The following PKN3 variants were observed in gnomAD, a reference collection of about 807,000 sequenced individuals.
PKN3 encodes protein kinase N3.
A neutral mutation model predicts 113.1 loss-of-function variants in PKN3; 91 were observed. That is an observed-to-expected ratio of 0.80 (90% CI 0.68 to 0.96). PKN3 has a LOEUF of 0.96. PKN3 is among the 40% of genes least tolerant of loss of function. The pLI is 0.00. For missense variants in PKN3, 1,052 were observed against 1,202.2 expected (o/e 0.88, Z 1.85); for synonymous variants, 467 against 499.0 (o/e 0.94, Z 0.85).
At chr9:128,711,307 C>CTT (rs769509901) in intron 6 of PKN3, among the ~76,000 whole-genome samples, 2 of 131,332 alleles carry the variant, frequency 1.5e-5, no homozygotes, top group Admixed American at 7.6e-5. Context: ...CGCCCCACCT[C>CTT]TTTTTTTTTT....
rs756851976 is a variant in PKN3, at chr9:128,713,014, T to A, written c.836-38T>A. 6.4e-6 allele frequency: 10 copies of A among 1,557,056 alleles called. No homozygotes were observed. The East Asian group carries it at 2.3e-4, about 35-fold the overall frequency. On this transcript the variant is annotated intron_variant, in intron 6 of 21. Transcript: ENST00000291906. Reference sequence around the variant, plus strand: ...CACCTTGGTGGTAGCAGTGGGAAGATGGCATCTGACAACGCCCCCCGCTCA... The same window carrying A: ...CACCTTGGTGGTAGCAGTGGGAAGAAGGCATCTGACAACGCCCCCCGCTCA...
chr9:128,714,519 G>A (rs781287176), intron 11 of PKN3, 43 bp from the exon 12 acceptor site: 5 of 955,716 alleles, frequency 5.2e-6, no homozygotes, highest in Non-Finnish European at 8.6e-6. Context: ...GCCAGCTCTT[G>A]CGTCTGCCTG....
Position 128,705,492 on chromosome 9 carries a change from C to T in PKN3, c.214C>T (p.Arg72Trp), listed in dbSNP as rs745322952. The change falls in exon 2 of 22, where the codon CGG becomes TGG. Residue 72 changes from arginine (R) to tryptophan (W), a missense_variant. Transcript: ENST00000291906. The stretch of plus-strand genomic sequence containing the variant: ...CCTGGAGCAGCTGCATGGCGAGCTG[C>T]GGGAGCTGCACGCCCGAATCCTGCT... ...RRLEQLHGEL[R>W]ELHARILLPG... The T allele has an allele frequency of 3.0e-5, 47 of 1,560,894 alleles. No individual in the cohort carries two copies. In the African/African-American group the frequency reaches 3.5e-4, roughly 12 times the overall value.
rs1386425760 is a variant in PKN3 at position 128,720,308 on chromosome 9, C to T, written c.2457+25C>T. On this transcript the variant is annotated intron_variant, in intron 21 of 21. Transcript: ENST00000291906. This position sits in a 1 kb window ranked among gnomAD's most constrained non-coding sequence, Gnocchi z 5.5. The stretch of plus-strand genomic sequence containing the variant: ...GGTGAGCGGCTGGGGTGGCGGTGGT[C>T]CCCTGTGCCTGGCAGGGTAGGTGGC... The T allele has an allele frequency of 2.5e-6, 4 of 1,612,180 alleles. No homozygotes were observed. The highest frequency in any genetic ancestry group is 3.3e-5 in the Admixed American group (2 of 59,996).
At chr9:128,717,022 G>A (rs2132326575) in intron 16 of PKN3, 99 bp downstream of exon 16, 3 of 951,584 alleles carry the variant, frequency 3.2e-6, no homozygotes, top group Non-Finnish European at 4.9e-6. Context: ...CCAACAGCAG[G>A]GGAGCAGGAG....
At chr9:128,706,851 G>A (rs372263492) in intron 4 of PKN3, 27 bp downstream of exon 4, 7 of 1,612,642 alleles carry the variant, frequency 4.3e-6, no homozygotes, top group Admixed American at 1.7e-5. Flanking sequence ...CAGGGAGGGC[G>A]GAGCAGGGAA....
chr9:128,707,377 G>T lies in PKN3; in HGVS notation c.807G>T (p.Gly269=). Residue 269 remains glycine (G), a synonymous_variant, in exon 6 of 22, where the codon GGG becomes GGT. Transcript: ENST00000291906. The stretch of plus-strand genomic sequence containing the variant: ...TGCCTGGATACCCCCAGCCTTCAGG[G>T]ACACCTGTGAAGCCCACCGCCCTAA... ...AAVPGYPQPS[G]TPVKPTALTG... The T allele has an allele frequency of 1.2e-6, 2 of 1,612,008 alleles. No individual in the cohort carries two copies. Among genetic ancestry groups the T allele is most frequent in the Non-Finnish European group, 1.7e-6 (2 of 1,179,124 alleles).
Position 128,706,822 on chromosome 9 carries a change from C to A in PKN3, c.521C>A (p.Pro174Gln). 2 of 1,610,804 alleles carry A rather than the reference C, an allele frequency of 1.2e-6. No homozygotes were observed. The highest frequency in any genetic ancestry group is 1.1e-5 in the South Asian group (1 of 90,986). ...CTGGAGGCCAGTGGGTCCCCGGAGC[C>A]AGGTGAGGCCTTGAGACACAGGGAG... ...SSLEASGSPE[P>Q]GPELLAEELQ... is the part of the protein sequence containing the mutation. The change falls in exon 4 of 22, where the codon CCA becomes CAA. Residue 174 changes from proline (P) to glutamine (Q), a missense_variant and splice_region_variant. This residue lies in a region of PKN3 where 719 missense variants were observed against 759.4 expected (regional missense o/e 0.95). Coordinates refer to ENST00000291906, the MANE Select transcript of PKN3 (RefSeq NM_013355.5).
In PKN3 at chr9:128,720,568, G is replaced by A. The variant is rs1862510143; in HGVS notation, c.2632G>A (p.Asp878Asn). 2 of 1,613,348 alleles carry A rather than the reference G, an allele frequency of 1.2e-6. No individual in the cohort carries two copies. The highest frequency in any genetic ancestry group is 1.3e-5 in the African/African-American group (1 of 74,952). ...LTARQQAAFRDFDFVSERFLE... is the reference protein window; with the variant it reads ...LTARQQAAFRNFDFVSERFLE... The stretch of plus-strand genomic sequence containing the variant: ...TGCCCGCCAACAGGCCGCCTTCCGG[G>A]ACTTCGACTTTGTGTCAGAGCGATT... The change falls in exon 22 of 22, where the codon GAC becomes AAC. Residue 878 changes from aspartate (D) to asparagine (N), a missense_variant. Transcript: ENST00000291906. This position sits in a 1 kb window ranked among gnomAD's most constrained non-coding sequence, Gnocchi z 5.5.
Position 128,718,634 on chromosome 9 carries a change from C to A in PKN3, c.2125+9C>A. On this transcript the variant is annotated intron_variant, in intron 18 of 21. Coordinates refer to ENST00000291906, the MANE Select transcript of PKN3 (RefSeq NM_013355.5). The stretch of plus-strand genomic sequence containing the variant: ...TGGACTCTGCAAGGAAGGTGGGGGC[C>A]GCCCATTGGGATCCATATCTCCAGC... 1 of 1,613,294 alleles carries A rather than the reference C, an allele frequency of 6.2e-7. No individual in the cohort carries two copies. The highest frequency in any genetic ancestry group is 1.1e-5 in the South Asian group (1 of 91,068).
chr9:128,703,893 G>A, intron 1 of PKN3: 3 of 985,474 alleles, frequency 3.0e-6, no homozygotes, highest in South Asian at 4.7e-5. Context: ...GCCCTGCAGC[G>A]GCAGCTGGGT....
Position 128,716,807 on chromosome 9 carries a change from C to T in PKN3, c.1869C>T (p.Leu623=), listed in dbSNP as rs777858977. The T allele has an allele frequency of 3.7e-6, 6 of 1,614,140 alleles. No homozygotes were observed. The highest frequency in any genetic ancestry group is 5.1e-6 in the Non-Finnish European group (6 of 1,180,004). The change falls in exon 16 of 22, where the codon CTC becomes CTT. Residue 623 remains leucine, a synonymous_variant. Coordinates refer to ENST00000291906, the MANE Select transcript of PKN3 (RefSeq NM_013355.5). ...GCTGCACAGGGCACCCTTTCCTGCT[C>T]TCCCTCCTTGCCTGCTTCCAGACCT... The part of the protein sequence containing the change: ...AVGCTGHPFL[L]SLLACFQTSS...
At chr9:128,717,005 C>T (rs1589491346) in intron 16 of PKN3, 82 bp downstream of exon 16, 1 of 1,194,794 alleles carries the variant, frequency 8.4e-7, no homozygotes, top group African/African-American at 1.5e-5. Context: ...CTGCTTTCTC[C>T]AAGTGCCCAA....
chr9:128,709,258 C>A (rs1862109671), intron 6 of PKN3, among the ~76,000 whole-genome samples: 1 of 150,826 alleles, frequency 6.6e-6, no homozygotes, highest in Non-Finnish European at 1.5e-5. Context: ...TGCACTCCAG[C>A]CTGGGCCACA....
chr9:128,718,656 C>T (rs1862418060), intron 18 of PKN3, 31 bp downstream of exon 18: 2 of 1,605,160 alleles, frequency 1.2e-6, no homozygotes, highest in African/African-American at 1.3e-5. Flanking sequence ...TCCATATCTC[C>T]AGCCTTGTTT....
rs115703206 is a variant in PKN3 at position 128,720,758 on chromosome 9, C to T, written c.*152C>T. ...GCAGCCATGGGGCCACTGTTGTGGG[C>T]TTTGCTCAGTGTCACTGGGCAAAGT... On this transcript the variant is annotated 3_prime_UTR_variant, in exon 22 of 22. Coordinates refer to ENST00000291906, the MANE Select transcript of PKN3 (RefSeq NM_013355.5). This position sits in a 1 kb window ranked among gnomAD's most constrained non-coding sequence, Gnocchi z 5.5. 1.6e-5 allele frequency: 11 copies of T among 688,424 alleles called. No individual in the cohort carries two copies. Among genetic ancestry groups the T allele is most frequent in the Non-Finnish European group, 2.4e-5 (10 of 410,118 alleles). 42.6% of individuals were successfully genotyped at this position (688,424 alleles called of 1,614,324 possible). A position where few individuals can be genotyped will look rare whatever the true frequency, so the allele number is the denominator to read the frequency against.
chr9:128,709,162 G>A (rs561781276), intron 6 of PKN3, among the ~76,000 whole-genome samples: 172 of 152,006 alleles, frequency 1.1e-3, no homozygotes, highest in Non-Finnish European at 1.9e-3. Flanking sequence ...GCGGGCGCCT[G>A]TAGTCCCAGC....
chr9:128,705,846 C>G lies in PKN3; in HGVS notation c.378C>G (p.Asn126Lys). ...TGAAGGTGAAGCAGGGGGCTGAGAA[C>G]ATGACCCACACGTGCGCCAGTGGCA... is the stretch of plus-strand genomic sequence containing the variant. ...VELKVKQGAE[N>K]MTHTCASGTP... The change falls in exon 3 of 22, where the codon AAC becomes AAG. Residue 126 changes from asparagine to lysine, a missense_variant. Physicochemically the swap from Asn to Lys is moderately conservative, Grantham distance 94. Around this residue, in one of 2 missense-constraint regions of PKN3, gnomAD observed 719 missense variants for 759.4 expected, o/e 0.95. Transcript: ENST00000291906. 1 of 1,607,246 alleles carries G rather than the reference C, an allele frequency of 6.2e-7. No individual in the cohort carries two copies. Among genetic ancestry groups the G allele is most frequent in the Non-Finnish European group, 8.5e-7 (1 of 1,176,310 alleles).
At chr9:128,706,422 C>A (rs1406679905) in intron 3 of PKN3, among the ~76,000 whole-genome samples, 1 of 151,814 alleles carries the variant, frequency 6.6e-6, no homozygotes, top group Non-Finnish European at 1.5e-5. Flanking sequence ...AGAGTTAGCC[C>A]CAGCCCTGAT....
Sources: gnomAD v4.1 joint callset for allele counts (sites outside exome capture counted in the v4.1 genomes callset) on GRCh38, gnomAD v4.1.1 for gene constraint, gnomAD v4.1.1 regional missense constraint, Gnocchi (gnomAD v3.1) non-coding constraint, MANE v1.5 for transcripts, NCBI Gene and HGNC (gene_info 2026-07-23, HGNC 2026-07-21) for gene names.